The following ARID4A variants were observed in gnomAD, a reference collection of about 807,000 sequenced individuals.
The protein encoded by ARID4A is AT-rich interactive domain-containing protein 4A.
ARID4A carries 39 observed loss-of-function variants against 148.6 expected under a neutral mutation model. The ratio of observed to expected loss-of-function variants is 0.26; its 90% confidence interval spans 0.20 to 0.34. ARID4A has a LOEUF of 0.34. Among genes scored for constraint, ARID4A ranks in the 10% least tolerant of loss-of-function variants. The probability of loss-of-function intolerance (pLI) is 1.00; values close to 1 mark genes in which losing one functional copy is unlikely to be tolerated. For missense variants in ARID4A, 1,265 were observed against 1,449.1 expected (o/e 0.87, Z 2.06); for synonymous variants, 475 against 481.2 (o/e 0.99, Z 0.17).
chr14:58,346,279 A>G (rs1566705300), intron 12 of ARID4A, 132 bp from the exon 13 acceptor site: 1 of 440,864 alleles, frequency 2.3e-6, no homozygotes, highest in Non-Finnish European at 4.0e-6. Context: ...GTTGTTTTAC[A>G]TTGTTTAAGG....
intron 17 of ARID4A, among the ~76,000 whole-genome samples, chr14:58,354,784 T>C (rs568187542): frequency 1.3e-5 from 2 of 152,202 alleles, no homozygotes; most frequent in East Asian, 1.9e-4. Context: ...AAATCTTATC[T>C]AGAAGGAGAG....
chr14:58,321,999 C>G (rs1375313012), intron 7 of ARID4A, among the ~76,000 whole-genome samples: 1 of 151,516 alleles, frequency 6.6e-6, no homozygotes, highest in Non-Finnish European at 1.5e-5. Flanking sequence ...GAGATGGAGT[C>G]TCACTCTGTC....
At chr14:58,337,111 C>T (rs1161164460) in intron 11 of ARID4A, among the ~76,000 whole-genome samples, 1 of 150,362 alleles carries the variant, frequency 6.7e-6, no homozygotes, top group African/African-American at 2.4e-5. Flanking sequence ...AGGCTGGTCT[C>T]GAACTCCTGG....
intron 8 of ARID4A, among the ~76,000 whole-genome samples, chr14:58,323,968 G>A (rs1417207203): frequency 1.3e-4 from 18 of 140,206 alleles, no homozygotes; most frequent in Admixed American, 1.1e-3. Context: ...GCAGTGGCGC[G>A]ATCTCGGCTC....
At chr14:58,366,253 G>C (rs369850973) in intron 22 of ARID4A, 23 bp downstream of exon 22, 5 of 1,536,236 alleles carry the variant, frequency 3.3e-6, no homozygotes, top group Non-Finnish European at 4.5e-6. Context: ...TAGAAAACTT[G>C]ATAGATGAAT....
At chr14:58,314,846 C>T (rs984985682) in intron 5 of ARID4A, among the ~76,000 whole-genome samples, 1 of 152,184 alleles carries the variant, frequency 6.6e-6, no homozygotes, top group Non-Finnish European at 1.5e-5. Flanking sequence ...AGTCTGGGTT[C>T]AGTGGCTCAC....
intron 3 of ARID4A, among the ~76,000 whole-genome samples, chr14:58,304,440 T>G (rs2140134250): frequency 6.6e-6 from 1 of 152,338 alleles, no homozygotes; most frequent in South Asian, 2.1e-4. Context: ...GGATGGTTAC[T>G]TTATGTCTTT....
chr14:58,335,848 A>G (rs2033787627), intron 11 of ARID4A, among the ~76,000 whole-genome samples: 1 of 151,946 alleles, frequency 6.6e-6, no homozygotes, highest in Non-Finnish European at 1.5e-5. Context: ...ATAGCTCTCA[A>G]ATTTGCCCAC....
At chr14:58,325,957 C>T (rs967685991) in intron 8 of ARID4A, among the ~76,000 whole-genome samples, 2 of 151,270 alleles carry the variant, frequency 1.3e-5, no homozygotes, top group South Asian at 2.1e-4. Flanking sequence ...TTACATTTGA[C>T]GATTTTATGT....
rs71107934 is a variant in ARID4A, at chr14:58,319,521, C to CT, written c.449+755dup. Among the ~76,000 whole-genome samples, 11 of 62,094 alleles carry CT rather than the reference C, an allele frequency of 1.8e-4. 4 individuals carry two copies. The highest frequency in any genetic ancestry group is 1.0e-3 in the East Asian group (2 of 1,946). The allele number at this position is 62,094 out of a possible 152,430, so 40.7% of individuals were successfully genotyped here. On this transcript the variant is annotated intron_variant, in intron 7 of 23. Transcript: ENST00000355431. Reference sequence around the variant, plus strand: ...ATCTGTGTATGAATGTCTATATACTCTTTTTTTTTTTTTTTTTTTTTTTTT... The same window carrying CT: ...ATCTGTGTATGAATGTCTATATACTCTTTTTTTTTTTTTTTTTTTTTTTTTT...
intron 7 of ARID4A, among the ~76,000 whole-genome samples, chr14:58,321,308 T>G (rs1323579793): frequency 1.3e-5 from 2 of 152,218 alleles, no homozygotes; most frequent in Non-Finnish European, 2.9e-5. Flanking sequence ...AATTTTTCAT[T>G]CTTGCTACAT....
chr14:58,341,194 C>T (rs1045621864), intron 11 of ARID4A, among the ~76,000 whole-genome samples: 6 of 152,196 alleles, frequency 3.9e-5, no homozygotes, highest in Non-Finnish European at 5.9e-5. Context: ...GCTTCCTTTT[C>T]CCTTCCAATC....
intron 7 of ARID4A, among the ~76,000 whole-genome samples, chr14:58,322,980 A>ATATAT (rs1555359733): frequency 3.5e-5 from 4 of 114,284 alleles, no homozygotes; most frequent in South Asian, 2.8e-4. Flanking sequence ...AAAAAAAAAA[A>ATATAT]ATATATATAT....
chr14:58,321,314 T>G (rs1282048051), intron 7 of ARID4A, among the ~76,000 whole-genome samples: 1 of 152,252 alleles, frequency 6.6e-6, no homozygotes, highest in African/African-American at 2.4e-5. Flanking sequence ...TCATTCTTGC[T>G]ACATTTTTTG....
chr14:58,337,234 C>A (rs1335208288), intron 11 of ARID4A, among the ~76,000 whole-genome samples: 3 of 58,366 alleles, frequency 5.1e-5, no homozygotes, highest in African/African-American at 1.9e-4. Context: ...TCTCCTAGAA[C>A]CTTCTCTTTA....
intron 3 of ARID4A, among the ~76,000 whole-genome samples, chr14:58,304,453 A>ATG (rs1160113120): frequency 6.6e-6 from 1 of 152,148 alleles, no homozygotes; most frequent in Non-Finnish European, 1.5e-5. Flanking sequence ...ATGTCTTTAG[A>ATG]TGTGTAGTAG....
chr14:58,310,426 T>C (rs2031939810), intron 5 of ARID4A, among the ~76,000 whole-genome samples: 1 of 152,112 alleles, frequency 6.6e-6, no homozygotes, highest in Non-Finnish European at 1.5e-5. Flanking sequence ...AATAGACACA[T>C]AGATCAGTGG....
chr14:58,325,874 A>C (rs901608698), intron 8 of ARID4A, among the ~76,000 whole-genome samples: 104 of 152,102 alleles, frequency 6.8e-4, no homozygotes, highest in African/African-American at 2.5e-3. Flanking sequence ...TTTTAATAAC[A>C]AATTCTTTTA....
At chr14:58,323,001 A>C (rs561864516) in intron 7 of ARID4A, among the ~76,000 whole-genome samples, 1 of 143,760 alleles carries the variant, frequency 7.0e-6, no homozygotes, top group East Asian at 2.0e-4. Flanking sequence ...ATATATATAT[A>C]TATGCTTAAA....
Sources: gnomAD v4.1 joint callset for allele counts (sites outside exome capture counted in the v4.1 genomes callset) on GRCh38, gnomAD v4.1.1 for gene constraint, MANE v1.5 for transcripts, NCBI Gene and HGNC (gene_info 2026-07-23, HGNC 2026-07-21) for gene names.